The following XIRP2 variants were observed in gnomAD, a reference collection of about 807,000 sequenced individuals.
XIRP2 encodes xin actin-binding repeat-containing protein 2.
In XIRP2, 236 loss-of-function variants were observed where a neutral mutation model predicts 277.0. The ratio of observed to expected loss-of-function variants is 0.85; its 90% CI spans 0.77 to 0.95. XIRP2 has a LOEUF of 0.95. Among genes scored for constraint, XIRP2 ranks in the 40% least tolerant of loss-of-function variants. The pLI is 0.00. For synonymous variants in XIRP2, 1,490 were observed against 1,416.5 expected (o/e 1.05, Z -1.17); for missense variants, 4,640 against 4,157.5 (o/e 1.12, Z -3.19).
chr2:166,891,723 C>A (rs957835079), intron 1 of XIRP2, among the ~76,000 whole-genome samples: 1 of 151,864 alleles, frequency 6.6e-6, no homozygotes, highest in African/African-American at 2.4e-5. Flanking sequence ...CTTTCTTAAT[C>A]ACAACAAAAA....
intron 3 of XIRP2, among the ~76,000 whole-genome samples, chr2:167,178,656 T>A (rs1334769493): frequency 6.6e-6 from 1 of 152,198 alleles, no homozygotes; most frequent in Admixed American, 6.5e-5. Context: ...ACTTCACTTT[T>A]TTTTTTCTTT....
chr2:167,083,944 C>A (rs1264071054), intron 2 of XIRP2, among the ~76,000 whole-genome samples: 5 of 151,032 alleles, frequency 3.3e-5, no homozygotes, highest in African/African-American at 9.7e-5. Flanking sequence ...CCTTCTCCTG[C>A]CTAATTGCCC....
chr2:167,184,530 T>A (rs1693102436), intron 3 of XIRP2: 1 of 713,790 alleles, frequency 1.4e-6, no homozygotes, highest in Non-Finnish European at 2.6e-6. Context: ...GCTGTTTTTC[T>A]GTTTCCAGCA....
Position 167,062,208 on chromosome 2 carries a change from G to A in XIRP2, c.409-73701G>A, listed in dbSNP as rs147184141. 4.0e-3 allele frequency among the ~76,000 whole-genome samples: 611 copies of A among 152,266 alleles called. 5 individuals carry two copies. Among genetic ancestry groups the A allele is most frequent in the African/African-American group, 0.014 (586 of 41,558 alleles). On this transcript the variant is annotated intron_variant, in intron 2 of 10. Transcript: ENST00000409195. ...CTCTGCGTTCAGAGACCTGAACAAC[G>A]ATAGCTGGATAGAATTCTGCCACGG...
At chr2:167,032,673 CA>C (rs1688397405) in intron 2 of XIRP2, among the ~76,000 whole-genome samples, 2 of 152,018 alleles carry the variant, frequency 1.3e-5, no homozygotes, top group Non-Finnish European at 2.9e-5. Flanking sequence ...GACATTTATG[CA>C]GCCAAAAATA....
At chr2:166,948,770 C>G (rs189973283) in intron 2 of XIRP2, among the ~76,000 whole-genome samples, 1 of 151,872 alleles carries the variant, frequency 6.6e-6, no homozygotes, top group East Asian at 1.9e-4. Flanking sequence ...TGGTTAGTGG[C>G]CACATGTCAA....
chr2:167,131,490 T>G (rs540948586), intron 2 of XIRP2, among the ~76,000 whole-genome samples: 1 of 152,300 alleles, frequency 6.6e-6, no homozygotes, highest in African/African-American at 2.4e-5. Context: ...CTCACCCACT[T>G]CAAATTGCCT....
intron 2 of XIRP2, among the ~76,000 whole-genome samples, chr2:167,075,322 A>G (rs1464777724): frequency 6.6e-6 from 1 of 152,176 alleles, no homozygotes; most frequent in African/African-American, 2.4e-5. Flanking sequence ...ATAAAAGGCT[A>G]TTGCCTATTT....
At chr2:166,929,440 A>G (rs73024336) in intron 2 of XIRP2, among the ~76,000 whole-genome samples, 1,912 of 152,154 alleles carry the variant, frequency 0.013, 50 homozygotes, top group African/African-American at 0.044. Flanking sequence ...CCTCTGAAGA[A>G]CTCTAGTAGA....
chr2:167,018,406 A>G (rs1215220927), intron 2 of XIRP2, among the ~76,000 whole-genome samples: 2 of 152,046 alleles, frequency 1.3e-5, no homozygotes, highest in Non-Finnish European at 2.9e-5. Context: ...TGAAAAAGGC[A>G]TTCTGGGAAA....
chr2:167,002,833 CT>C (rs1183266194), intron 2 of XIRP2, among the ~76,000 whole-genome samples: 15 of 151,782 alleles, frequency 9.9e-5, no homozygotes, highest in African/African-American at 3.1e-4. Context: ...ATAATGTTAT[CT>C]TTGTTAAATA....
intron 3 of XIRP2, among the ~76,000 whole-genome samples, chr2:167,160,534 C>T (rs542686986): frequency 2.2e-4 from 34 of 152,272 alleles, no homozygotes; most frequent in South Asian, 4.2e-4. Context: ...ACATCTCACA[C>T]GGCAACAGAC....
chr2:166,982,986 G>T (rs1490087790), intron 2 of XIRP2, among the ~76,000 whole-genome samples: 1 of 152,128 alleles, frequency 6.6e-6, no homozygotes. Context: ...ATATACTAGT[G>T]CTGGCTGTTT....
In XIRP2 at chr2:167,258,765, C is replaced by T. The variant is rs374645902; in HGVS notation, c.*948C>T. On this transcript the variant is annotated 3_prime_UTR_variant, in exon 11 of 11. Coordinates refer to ENST00000409195, the MANE Select transcript of XIRP2 (RefSeq NM_152381.6). Reference sequence around the variant, plus strand: ...GATCTATTACCCTTGTCGAGTGAAGCAAATGACACTGCAAATGAATATGAA... The same window carrying T: ...GATCTATTACCCTTGTCGAGTGAAGTAAATGACACTGCAAATGAATATGAA... 2.5e-6 allele frequency: 4 copies of T among 1,613,138 alleles called. No individual in the cohort carries two copies. Among genetic ancestry groups the T allele is most frequent in the Non-Finnish European group, 3.4e-6 (4 of 1,179,624 alleles).
intron 2 of XIRP2, among the ~76,000 whole-genome samples, chr2:166,973,779 C>G (rs1686635463): frequency 6.6e-6 from 1 of 152,002 alleles, no homozygotes; most frequent in South Asian, 2.1e-4. Context: ...AACCTTAGCC[C>G]AAAGCATAAA....
chr2:167,121,970 T>A (rs1348608783), intron 2 of XIRP2, among the ~76,000 whole-genome samples: 1 of 152,166 alleles, frequency 6.6e-6, no homozygotes, highest in Non-Finnish European at 1.5e-5. Context: ...AATAGCAGCA[T>A]GTTGTATTTT....
intron 2 of XIRP2, among the ~76,000 whole-genome samples, chr2:167,007,319 G>C (rs189970707): frequency 6.6e-6 from 1 of 151,620 alleles, no homozygotes; most frequent in Admixed American, 6.6e-5. Flanking sequence ...TTAAAAGTTA[G>C]GGTTCCACAA....
At chr2:167,235,365 A>C (rs757569913) in intron 5 of XIRP2, among the ~76,000 whole-genome samples, 12 of 151,994 alleles carry the variant, frequency 7.9e-5, no homozygotes, top group Non-Finnish European at 1.5e-4. Flanking sequence ...AACAAAAAAA[A>C]TCATAGGTTT....
intron 5 of XIRP2, among the ~76,000 whole-genome samples, chr2:167,234,047 G>T (rs1694832615): frequency 1.3e-5 from 2 of 151,316 alleles, no homozygotes; most frequent in Non-Finnish European, 3.0e-5. Flanking sequence ...CAGAATTTTG[G>T]GCCTCTGGAA....
Sources: allele counts gnomAD v4.1 joint callset (sites outside exome capture counted in the v4.1 genomes callset), GRCh38; gene constraint gnomAD v4.1.1; transcripts MANE v1.5; gene names NCBI Gene and HGNC (gene_info 2026-07-23, HGNC 2026-07-21).